Variants in PCDH9 observed in about 807,000 individuals in gnomAD.
The protein encoded by PCDH9 is protocadherin 9.
A neutral mutation model predicts 70.6 loss-of-function variants in PCDH9; 24 were observed. That is an observed-to-expected ratio of 0.34 (90% CI 0.25 to 0.48). The LOEUF is 0.48. PCDH9 is among the 20% of genes least tolerant of loss of function. The probability of loss-of-function intolerance (pLI) is 0.99; values close to 1 mark genes in which losing one functional copy is unlikely to be tolerated. For synonymous variants in PCDH9, 562 were observed against 558.5 expected (o/e 1.01, Z -0.09); for missense variants, 1,281 against 1,503.6 (o/e 0.85, Z 2.45).
At chr13:67,146,477 C>G (rs1275276630) in intron 2 of PCDH9, among the ~76,000 whole-genome samples, 24 of 152,156 alleles carry the variant, frequency 1.6e-4, no homozygotes, top group Admixed American at 1.6e-3. Context: ...ACAAACACAA[C>G]AGGATGATTG....
chr13:66,443,487 CTA>C (rs1280630941), intron 4 of PCDH9, among the ~76,000 whole-genome samples: 2 of 152,038 alleles, frequency 1.3e-5, no homozygotes, highest in Non-Finnish European at 2.9e-5. Context: ...TTCCAATAAA[CTA>C]GCATTATAAA....
At chr13:66,972,745 C>T (rs949426085) in intron 2 of PCDH9, among the ~76,000 whole-genome samples, 4 of 151,978 alleles carry the variant, frequency 2.6e-5, no homozygotes, top group Admixed American at 1.3e-4. Flanking sequence ...ACATAGCTCT[C>T]GTCTCCATTA....
chr13:66,803,587 T>C (rs2080361348), intron 3 of PCDH9, among the ~76,000 whole-genome samples: 1 of 152,156 alleles, frequency 6.6e-6, no homozygotes, highest in African/African-American at 2.4e-5. Context: ...TCCCCTTCTT[T>C]TGGCTGTCTT....
At chr13:66,691,328 G>A (rs929608762) in intron 3 of PCDH9, among the ~76,000 whole-genome samples, 9 of 152,100 alleles carry the variant, frequency 5.9e-5, no homozygotes, top group African/African-American at 1.7e-4. Flanking sequence ...ATGAGCCACC[G>A]CACCCGGCCA....
At chr13:66,941,133 A>T (rs891747132) in intron 2 of PCDH9, among the ~76,000 whole-genome samples, 1 of 151,866 alleles carries the variant, frequency 6.6e-6, no homozygotes, top group Non-Finnish European at 1.5e-5. Flanking sequence ...AGTATTTATG[A>T]TATAAAAGTA....
chr13:66,710,256 T>C, intron 3 of PCDH9, among the ~76,000 whole-genome samples: 1 of 152,180 alleles, frequency 6.6e-6, no homozygotes, highest in Non-Finnish European at 1.5e-5. Context: ...TTATGCCTTC[T>C]ATTAATTATA....
chr13:66,941,511 C>T lies in PCDH9; in HGVS notation c.3037-37906G>A, dbSNP rs921836630. 7.3e-5 allele frequency among the ~76,000 whole-genome samples: 11 copies of T among 151,502 alleles called. No homozygotes were observed. The East Asian group carries it at 7.7e-4, about 11-fold the overall frequency. On this transcript the variant is annotated intron_variant, in intron 2 of 4. Transcript: ENST00000377865. ...TAACTAATATGCTGTCTATAGAAAA[C>T]GTACATTAAATATAAAGACTCAGAT...
chr13:66,927,363 C>T (rs1225623483), intron 2 of PCDH9, among the ~76,000 whole-genome samples: 10 of 151,808 alleles, frequency 6.6e-5, no homozygotes, highest in Non-Finnish European at 1.3e-4. Context: ...ATAGAGGGAA[C>T]GACACACACT....
intron 2 of PCDH9, among the ~76,000 whole-genome samples, chr13:67,134,636 T>G (rs2087187201): frequency 6.6e-6 from 1 of 152,094 alleles, no homozygotes; most frequent in Non-Finnish European, 1.5e-5. Flanking sequence ...CACTTTCGTT[T>G]TCAGGAATAT....
intron 3 of PCDH9, among the ~76,000 whole-genome samples, chr13:66,856,416 A>T (rs763220067): frequency 6.6e-5 from 10 of 152,192 alleles, no homozygotes; most frequent in Non-Finnish European, 1.3e-4. Flanking sequence ...AGTTTCTCTG[A>T]TCACTTGAAA....
At chr13:66,532,011 G>A (rs567840929) in intron 4 of PCDH9, among the ~76,000 whole-genome samples, 1 of 152,188 alleles carries the variant, frequency 6.6e-6, no homozygotes, top group African/African-American at 2.4e-5. Context: ...TTGAGAGACA[G>A]GGTTTTGTTC....
chr13:66,952,011 G>C (rs529777196), intron 2 of PCDH9, among the ~76,000 whole-genome samples: 2 of 152,274 alleles, frequency 1.3e-5, no homozygotes, highest in East Asian at 3.9e-4. Flanking sequence ...GTGAGCATCT[G>C]TGCTAAGGTA....
At chr13:67,175,910 C>A (rs2088438315) in intron 2 of PCDH9, among the ~76,000 whole-genome samples, 1 of 151,560 alleles carries the variant, frequency 6.6e-6, no homozygotes, top group Admixed American at 6.6e-5. Context: ...AATAACAGAT[C>A]CAGACTGTTC....
At position 66,851,617 on chromosome 13, in the gene PCDH9, T is replaced by C. The variant is rs933597344; in HGVS notation, c.3138+51887A>G. On this transcript the variant is annotated intron_variant, in intron 3 of 4. Transcript: ENST00000377865. The stretch of plus-strand genomic sequence containing the variant: ...CACACACACACACACACTCATTTTA[T>C]TGACTCTGTGACCTTGAGCAAGTTA... 3.3e-5 allele frequency among the ~76,000 whole-genome samples: 5 copies of C among 150,162 alleles called. No individual in the cohort carries two copies. The South Asian group carries it at 1.0e-3, about 31-fold the overall frequency.
At chr13:66,384,174 G>A (rs1956890504) in intron 4 of PCDH9, among the ~76,000 whole-genome samples, 1 of 151,756 alleles carries the variant, frequency 6.6e-6, no homozygotes, top group Admixed American at 6.6e-5. Context: ...GTTGGTTTTT[G>A]GTCTTAGAAA....
intron 3 of PCDH9, among the ~76,000 whole-genome samples, chr13:66,678,522 C>T (rs1218612080): frequency 6.6e-6 from 1 of 151,966 alleles, no homozygotes; most frequent in African/African-American, 2.4e-5. Context: ...TTATCTTATA[C>T]AATACCTATT....
At chr13:66,356,550 CA>C (rs1213049262) in intron 4 of PCDH9, among the ~76,000 whole-genome samples, 1 of 150,932 alleles carries the variant, frequency 6.6e-6, no homozygotes, top group Non-Finnish European at 1.5e-5. Context: ...TTTTTCACTC[CA>C]AAAAAAATGA....
chr13:66,548,292 T>C (rs1181357381), intron 4 of PCDH9, among the ~76,000 whole-genome samples: 1 of 152,078 alleles, frequency 6.6e-6, no homozygotes, highest in African/African-American at 2.4e-5. Context: ...AGGCCAGGCA[T>C]GGTGGCTCAC....
At chr13:66,965,759 C>T (rs1308486243) in intron 2 of PCDH9, among the ~76,000 whole-genome samples, 1 of 151,870 alleles carries the variant, frequency 6.6e-6, no homozygotes, top group African/African-American at 2.4e-5. Context: ...AAGGTGATAA[C>T]ATTATTACCA....
Sources: gnomAD v4.1 joint callset for allele counts (sites outside exome capture counted in the v4.1 genomes callset) on GRCh38, gnomAD v4.1.1 for gene constraint, MANE v1.5 for transcripts, NCBI Gene and HGNC (gene_info 2026-07-23, HGNC 2026-07-21) for gene names.